The following FAF1 variants were observed in gnomAD, a reference collection of about 807,000 sequenced individuals.
The protein encoded by FAF1 is FAS-associated factor 1.
In FAF1, 25 loss-of-function variants were observed where a neutral mutation model predicts 92.5. That is an observed-to-expected ratio of 0.27 (90% CI 0.20 to 0.38). The LOEUF is 0.38. Ranked by LOEUF, FAF1 falls within the 10% of genes least tolerant of loss-of-function variation. The probability of loss-of-function intolerance (pLI) is 1.00; values close to 1 mark genes in which losing one functional copy is unlikely to be tolerated. For missense variants in FAF1, 636 were observed against 793.3 expected (o/e 0.80, Z 2.38); for synonymous variants, 234 against 273.2 (o/e 0.86, Z 1.42).
intron 7 of FAF1, among the ~76,000 whole-genome samples, chr1:50,665,975 A>C (rs960658234): frequency 1.3e-5 from 2 of 151,980 alleles, no homozygotes; most frequent in Non-Finnish European, 2.9e-5. Context: ...TCAGAAGTTC[A>C]ACACCAGTCT....
chr1:50,729,002 T>TTATCCATC (rs1658784434), intron 6 of FAF1, among the ~76,000 whole-genome samples: 2 of 114,958 alleles, frequency 1.7e-5, no homozygotes, highest in African/African-American at 7.0e-5. Context: ...AAAGAAAACT[T>TTATCCATC]TATCTATCTA....
At chr1:50,934,972 G>A (rs1385539276) in intron 1 of FAF1, among the ~76,000 whole-genome samples, 1 of 151,930 alleles carries the variant, frequency 6.6e-6, no homozygotes, top group Admixed American at 6.5e-5. Flanking sequence ...TTGGTTTTTA[G>A]CAATTTGATT....
At chr1:50,476,487 G>A (rs1446327471) in intron 17 of FAF1, among the ~76,000 whole-genome samples, 2 of 152,144 alleles carry the variant, frequency 1.3e-5, no homozygotes, top group Non-Finnish European at 2.9e-5. Context: ...CATGGCTAGC[G>A]TGGGCTTGAA....
intron 3 of FAF1, among the ~76,000 whole-genome samples, chr1:50,790,317 T>C (rs549660030): frequency 6.6e-6 from 1 of 152,212 alleles, no homozygotes; most frequent in Admixed American, 6.5e-5. Flanking sequence ...AATTTTTGTA[T>C]TTTTAGTAGA....
intron 1 of FAF1, among the ~76,000 whole-genome samples, chr1:50,903,917 A>G (rs1644815437): frequency 6.6e-6 from 1 of 152,210 alleles, no homozygotes; most frequent in South Asian, 2.1e-4. Flanking sequence ...TCACAAAACA[A>G]GCTACGTACA....
At chr1:50,647,856 AT>A (rs1490730215) in intron 8 of FAF1, among the ~76,000 whole-genome samples, 2 of 152,220 alleles carry the variant, frequency 1.3e-5, no homozygotes, top group African/African-American at 4.8e-5. Flanking sequence ...AAATAACAAA[AT>A]AAGAAAAAAG....
At chr1:50,585,680 T>C (rs1458322088) in intron 9 of FAF1, among the ~76,000 whole-genome samples, 3 of 152,142 alleles carry the variant, frequency 2.0e-5, no homozygotes, top group Admixed American at 6.5e-5. Flanking sequence ...ATAAAGTCTA[T>C]AAATATTACT....
At chr1:50,927,863 T>C (rs184418584) in intron 1 of FAF1, among the ~76,000 whole-genome samples, 1 of 152,322 alleles carries the variant, frequency 6.6e-6, no homozygotes. Context: ...TGTGTCTCTA[T>C]GTGCCCTAAT....
At chr1:50,539,448 A>G (rs923861486) in intron 14 of FAF1, 144 bp downstream of exon 14, 3 of 550,502 alleles carry the variant, frequency 5.4e-6, no homozygotes, top group South Asian at 3.4e-5. Flanking sequence ...TAGCACCTAT[A>G]TTTTTTGAAG....
chr1:50,447,361 G>A (rs536845728), intron 18 of FAF1, among the ~76,000 whole-genome samples: 196 of 152,174 alleles, frequency 1.3e-3, no homozygotes, highest in African/African-American at 4.5e-3. Context: ...TCCTGACCTA[G>A]TGATCCGCCC....
At chr1:50,722,206 A>T (rs1340495235) in intron 6 of FAF1, among the ~76,000 whole-genome samples, 6 of 152,180 alleles carry the variant, frequency 3.9e-5, no homozygotes, top group Non-Finnish European at 7.3e-5. Flanking sequence ...AGGGCCAAAA[A>T]GCACTGTTTC....
At chr1:50,688,492 A>G (rs866193831) in intron 7 of FAF1, among the ~76,000 whole-genome samples, 11 of 152,328 alleles carry the variant, frequency 7.2e-5, no homozygotes, top group South Asian at 2.1e-4. Context: ...CTTACATACA[A>G]TGGAATATTA....
At chr1:50,467,436 C>T (rs1404567034) in intron 18 of FAF1, among the ~76,000 whole-genome samples, 2 of 152,162 alleles carry the variant, frequency 1.3e-5, no homozygotes, top group Non-Finnish European at 2.9e-5. Flanking sequence ...GCCTCAGCCT[C>T]CCGAGTAGCT....
rs1013031382 is a variant in FAF1 at position 50,960,054 on chromosome 1, A to T, written c.-243T>A. Reference sequence around the variant, plus strand: ...CTGCAACCTGCGGAGCCCGCGTCGCAGCAGCCCGGACAGGAAGATTGGTCT... The same window carrying T: ...CTGCAACCTGCGGAGCCCGCGTCGCTGCAGCCCGGACAGGAAGATTGGTCT... On this transcript the variant is annotated 5_prime_UTR_variant, in exon 1 of 19. Coordinates refer to ENST00000396153, the MANE Select transcript of FAF1 (RefSeq NM_007051.3). 3.8e-5 allele frequency: 15 copies of T among 395,210 alleles called. No homozygotes were observed. The highest frequency in any genetic ancestry group is 2.9e-4 in the African/African-American group (14 of 48,574). The allele number at this position is 395,210 out of a possible 1,614,324, so 24.5% of individuals were successfully genotyped here. A position where few individuals can be genotyped will look rare whatever the true frequency, so the allele number is the denominator to read the frequency against.
At chr1:50,922,458 CAAAAAAAAAA>C (rs33971185) in intron 1 of FAF1, among the ~76,000 whole-genome samples, 1 of 37,270 alleles carries the variant, frequency 2.7e-5, no homozygotes, top group Admixed American at 5.0e-4. Flanking sequence ...GACTCTGCCT[CAAAAAAAAAA>C]AAAAAAAAAA....
chr1:50,863,947 G>A (rs963362053), intron 1 of FAF1, among the ~76,000 whole-genome samples: 5 of 148,452 alleles, frequency 3.4e-5, no homozygotes, highest in Admixed American at 6.7e-5. Flanking sequence ...TGTATGTGTC[G>A]AGGAATTTAT....
chr1:50,851,880 T>C (rs1272384503), intron 2 of FAF1, among the ~76,000 whole-genome samples: 4 of 152,140 alleles, frequency 2.6e-5, no homozygotes, highest in African/African-American at 9.6e-5. Context: ...AAATTTCATG[T>C]TTCTAAAAAC....
chr1:50,812,183 C>T (rs1025134897), intron 2 of FAF1, among the ~76,000 whole-genome samples: 2 of 151,946 alleles, frequency 1.3e-5, no homozygotes, highest in Admixed American at 6.6e-5. Flanking sequence ...GCAACTGCAA[C>T]AAAAACAAAA....
rs893266199 is a variant in FAF1 at position 50,711,930 on chromosome 1, C to T, written c.552-6039G>A. Among the ~76,000 whole-genome samples, 8 of 152,256 alleles carry T rather than the reference C, an allele frequency of 5.3e-5. No individual in the cohort carries two copies. The East Asian group carries it at 1.2e-3, about 22-fold the overall frequency. ...ATAATAATGACTAACACTTAACAAG[C>T]GCTACCACATACCAGGCATTAAGAG... On this transcript the variant is annotated intron_variant, in intron 6 of 18. Coordinates refer to ENST00000396153, the MANE Select transcript of FAF1 (RefSeq NM_007051.3).
Sources: gnomAD v4.1 joint callset for allele counts (sites outside exome capture counted in the v4.1 genomes callset) on GRCh38, gnomAD v4.1.1 for gene constraint, MANE v1.5 for transcripts, NCBI Gene and HGNC (gene_info 2026-07-23, HGNC 2026-07-21) for gene names.